Variants in SDK2 observed in about 807,000 individuals in gnomAD.
The protein encoded by SDK2 is sidekick cell adhesion molecule 2, also known as protein sidekick-2.
In SDK2, 105 loss-of-function variants were observed where a neutral mutation model predicts 253.9. The observed-to-expected ratio is 0.41, with a 90% CI of 0.35 to 0.49. SDK2 has a LOEUF of 0.49. Among genes scored for constraint, SDK2 ranks in the 20% least tolerant of loss-of-function variants. The pLI is 0.06. For missense variants in SDK2, 2,608 were observed against 3,003.0 expected (o/e 0.87, Z 3.07); for synonymous variants, 1,249 against 1,234.9 (o/e 1.01, Z -0.24).
At chr17:73,539,467 C>T (rs540224299) in intron 1 of SDK2, among the ~76,000 whole-genome samples, 3 of 145,170 alleles carry the variant, frequency 2.1e-5, no homozygotes, top group South Asian at 4.4e-4. Context: ...AGAGGGAGGG[C>T]CAGATGGGGA....
At chr17:73,424,239 G>C (rs1443524883) in intron 12 of SDK2, 147 bp from the exon 13 acceptor site, 1 of 664,152 alleles carries the variant, frequency 1.5e-6, no homozygotes, top group East Asian at 2.7e-5. Flanking sequence ...TGGGATCGGG[G>C]AGCGGGACAC....
chr17:73,415,758 G>T, intron 17 of SDK2, 53 bp downstream of exon 17: 1 of 1,479,284 alleles, frequency 6.8e-7, no homozygotes, highest in Non-Finnish European at 9.2e-7. Context: ...CAAAGTGCTA[G>T]GATTACACGC....
At chr17:73,419,548 G>A (rs1249132749) in intron 15 of SDK2, among the ~76,000 whole-genome samples, 1 of 151,962 alleles carries the variant, frequency 6.6e-6, no homozygotes, top group Admixed American at 6.6e-5. Context: ...TAGTCTCTGT[G>A]TATATGTGGA....
chr17:73,444,222 A>G (rs1035222917), intron 5 of SDK2, among the ~76,000 whole-genome samples: 2 of 152,194 alleles, frequency 1.3e-5, no homozygotes, highest in African/African-American at 4.8e-5. Flanking sequence ...GGGGACGCAC[A>G]TTAAGCCCTG....
chr17:73,505,773 A>G (rs548512937), intron 2 of SDK2, among the ~76,000 whole-genome samples: 10 of 152,078 alleles, frequency 6.6e-5, no homozygotes, highest in African/African-American at 2.4e-4. Flanking sequence ...CATCATCGTC[A>G]ATAGCTGGAC....
chr17:73,414,896 G>A (rs879013129), intron 17 of SDK2, 137 bp from the exon 18 acceptor site: 29 of 616,548 alleles, frequency 4.7e-5, no homozygotes, highest in Admixed American at 4.5e-4. Context: ...CTCCTCCCTC[G>A]CTGTGTAGAC....
chr17:73,525,935 A>G lies in SDK2; in HGVS notation c.65-18338T>C, dbSNP rs189669704. Among the ~76,000 whole-genome samples, 4 of 152,390 alleles carry G rather than the reference A, an allele frequency of 2.6e-5. 1 individual carries two copies. Among genetic ancestry groups the G allele is most frequent in the Admixed American group, 2.0e-4 (3 of 15,312 alleles). On this transcript the variant is annotated intron_variant, in intron 1 of 44. Transcript: ENST00000392650. ...CTACGTGCCACAAAATGTCAGAGTG[A>G]GCAAGAAGGAAATCTCTGCCTTAAG...
At chr17:73,627,407 G>A (rs2046215899) in intron 1 of SDK2, among the ~76,000 whole-genome samples, 2 of 152,142 alleles carry the variant, frequency 1.3e-5, no homozygotes, top group South Asian at 2.1e-4. Flanking sequence ...TCTTAAGACC[G>A]CATCTTTCAG....
chr17:73,389,895 G>A (rs1214293758), intron 29 of SDK2, among the ~76,000 whole-genome samples: 1 of 152,190 alleles, frequency 6.6e-6, no homozygotes, highest in Admixed American at 6.5e-5. Context: ...GATTACAGGT[G>A]TGTGCCACCA....
Position 73,391,526 on chromosome 17 carries a change from G to A in SDK2, c.3911C>T (p.Pro1304Leu). 6 of 1,299,434 alleles carry A rather than the reference G, an allele frequency of 4.6e-6. No individual in the cohort carries two copies. The highest frequency in any genetic ancestry group is 5.9e-6 in the Non-Finnish European group (6 of 1,016,024). The allele number at this position is 1,299,434 out of a possible 1,614,324, so 80.5% of individuals were successfully genotyped here. Residue 1304 changes from proline to leucine, a missense_variant, in exon 28 of 45, where the codon CCC (proline) becomes CTC (leucine). Around this residue, in one of 2 missense-constraint regions of SDK2, gnomAD observed 1,505 missense variants for 1,859.1 expected, o/e 0.81. Coordinates refer to ENST00000392650, the MANE Select transcript of SDK2 (RefSeq NM_001144952.2). ...CACCTCTGGGAACAGGATGCCCATG[G>A]GTGGTCCTGGGACTGGAGGGGGCAA... is the stretch of plus-strand genomic sequence containing the variant. ...ERTLDDVPGP[P>L]MGILFPEVRT...
chr17:73,613,315 A>G (rs1339723715), intron 1 of SDK2, among the ~76,000 whole-genome samples: 1 of 152,016 alleles, frequency 6.6e-6, no homozygotes, highest in African/African-American at 2.4e-5. Context: ...GGAGACGCCA[A>G]TGAGCAGCCG....
intron 6 of SDK2, among the ~76,000 whole-genome samples, chr17:73,438,496 C>CT (rs1386080627): frequency 2.6e-5 from 4 of 152,140 alleles, no homozygotes; most frequent in Admixed American, 6.5e-5. Flanking sequence ...GCTTGCAGCT[C>CT]TTTTTTCTGG....
rs565861825 is a variant in SDK2 at position 73,392,429 on chromosome 17, C to T, written c.3899-891G>A. Among the ~76,000 whole-genome samples the T allele has an allele frequency of 9.6e-4, 146 of 152,102 alleles. 1 individual carries two copies. Among genetic ancestry groups the T allele is most frequent in the African/African-American group, 3.2e-3 (132 of 41,494 alleles). On this transcript the variant is annotated intron_variant, in intron 27 of 44. Coordinates refer to ENST00000392650, the MANE Select transcript of SDK2 (RefSeq NM_001144952.2). ...GACTACAGGCGTGTGCCACCACACCCGGCTAATTTTTATATTTTTGGTAGA... is the reference window on the plus strand; with the variant it reads ...GACTACAGGCGTGTGCCACCACACCTGGCTAATTTTTATATTTTTGGTAGA...
intron 40 of SDK2, chr17:73,357,770 C>T (rs1214256064): frequency 8.8e-6 from 4 of 453,484 alleles, no homozygotes; most frequent in Non-Finnish European, 1.2e-5. Flanking sequence ...GTGGAGGATT[C>T]GGTGTGTGAC....
chr17:73,564,492 C>T (rs1013789013), intron 1 of SDK2, among the ~76,000 whole-genome samples: 6 of 152,188 alleles, frequency 3.9e-5, no homozygotes, highest in African/African-American at 1.2e-4. Flanking sequence ...CAGAGAGGTG[C>T]CTGGTGTCCT....
Position 73,383,283 on chromosome 17 carries a change from C to T in SDK2, c.4705+593G>A, listed in dbSNP as rs114859380. On this transcript the variant is annotated intron_variant, in intron 33 of 44. Coordinates refer to ENST00000392650, the MANE Select transcript of SDK2 (RefSeq NM_001144952.2). This position sits in a 1 kb window ranked among gnomAD's most constrained non-coding sequence, Gnocchi z 4.3. ...AAGTCCAAACACGTCTTTCCCTTGCCGTGGTCTTCTGGGCATCGGCTCTCC... is the reference window on the plus strand; with the variant it reads ...AAGTCCAAACACGTCTTTCCCTTGCTGTGGTCTTCTGGGCATCGGCTCTCC... Among the ~76,000 whole-genome samples, 72 of 152,370 alleles carry T rather than the reference C, an allele frequency of 4.7e-4. No individual in the cohort carries two copies. Among genetic ancestry groups the T allele is most frequent in the African/African-American group, 1.6e-3 (65 of 41,592 alleles).
intron 2 of SDK2, 108 bp downstream of exon 2, chr17:73,507,330 G>C: frequency 8.3e-7 from 1 of 1,209,358 alleles, no homozygotes; most frequent in Non-Finnish European, 1.1e-6. Flanking sequence ...CAGGCTCTAG[G>C]AGCCCTGAGC....
chr17:73,457,283 C>A (rs2063534477), intron 3 of SDK2, among the ~76,000 whole-genome samples: 5 of 42,944 alleles, frequency 1.2e-4, no homozygotes, highest in African/African-American at 1.5e-4. Context: ...TCCTTCCTTC[C>A]TTCCCCCCTC....
chr17:73,338,757 T>C lies in SDK2; in HGVS notation c.6349A>G (p.Asn2117Asp). ...CTGCCCTGCTGGGTGCTGGTGCTGT[T>C]GGTGACGGTGGTGTGGTCTGGCTCA... is the stretch of plus-strand genomic sequence containing the variant. ...SGEPDHTTVTNSTSTQQGSLF... is the reference protein window; with the variant it reads ...SGEPDHTTVTDSTSTQQGSLF... Residue 2117 changes from asparagine (N) to aspartate (D), a missense_variant, in exon 45 of 45, where the codon AAC becomes GAC. This residue lies in a region of SDK2 where 1,103 missense variants were observed against 1,143.9 expected (regional missense o/e 0.96). Transcript: ENST00000392650. The surrounding 1 kb of genome is among the most constrained non-coding windows in gnomAD (Gnocchi z 5.0). The C allele has an allele frequency of 6.2e-7, 1 of 1,613,770 alleles. No homozygotes were observed. Among genetic ancestry groups the C allele is most frequent in the Non-Finnish European group, 8.5e-7 (1 of 1,179,826 alleles).
Sources: gnomAD v4.1 joint callset for allele counts (sites outside exome capture counted in the v4.1 genomes callset) on GRCh38, gnomAD v4.1.1 for gene constraint, gnomAD v4.1.1 regional missense constraint, Gnocchi (gnomAD v3.1) non-coding constraint, MANE v1.5 for transcripts, NCBI Gene and HGNC (gene_info 2026-07-23, HGNC 2026-07-21) for gene names.